Variants in CDYL observed in about 807,000 individuals in gnomAD.
CDYL encodes chromodomain Y like.
Under a neutral mutation model 47.3 loss-of-function variants are expected in CDYL, and 8 were observed. That is an observed-to-expected ratio of 0.17 (90% confidence interval 0.10 to 0.31). The LOEUF is 0.31. CDYL is among the 10% of genes least tolerant of loss of function. CDYL has a pLI of 1.00. For synonymous variants in CDYL, 266 were observed against 265.0 expected, an observed-to-expected ratio of 1.00 and a Z score of -0.04; for missense variants, 471 against 701.4, an observed-to-expected ratio of 0.67 and a Z score of 3.71.
chr6:4,720,304 G>C (rs765678828), intron 2 of CDYL, among the ~76,000 whole-genome samples: 2 of 152,170 alleles, frequency 1.3e-5, no homozygotes, highest in African/African-American at 4.8e-5. Flanking sequence ...AACTTAACCA[G>C]AATGAATGAC....
intron 1 of CDYL, among the ~76,000 whole-genome samples, chr6:4,863,176 C>T (rs542427148): frequency 3.9e-5 from 6 of 152,052 alleles, no homozygotes; most frequent in East Asian, 3.9e-4. Context: ...AAGATAGGAG[C>T]GGTAAACACT....
chr6:4,846,533 G>C (rs1452304085), intron 1 of CDYL, among the ~76,000 whole-genome samples: 1 of 152,094 alleles, frequency 6.6e-6, no homozygotes, highest in Non-Finnish European at 1.5e-5. Flanking sequence ...TCTTCCGTCA[G>C]AGTGCTGGAG....
chr6:4,944,625 G>A (rs1758458271), intron 5 of CDYL, among the ~76,000 whole-genome samples: 1 of 152,150 alleles, frequency 6.6e-6, no homozygotes, highest in South Asian at 2.1e-4. Context: ...ACCTTTTGGG[G>A]GCCAGCTCCT....
At chr6:4,825,441 G>A (rs1301392264) in intron 1 of CDYL, among the ~76,000 whole-genome samples, 1 of 152,076 alleles carries the variant, frequency 6.6e-6, no homozygotes, top group Non-Finnish European at 1.5e-5. Context: ...ATAACTTCCA[G>A]TTATACACTT....
intron 1 of CDYL, among the ~76,000 whole-genome samples, chr6:4,885,955 C>G (rs148422445): frequency 7.5e-4 from 114 of 152,318 alleles, no homozygotes; most frequent in African/African-American, 2.5e-3. Flanking sequence ...AGTCTATTTT[C>G]TGTCTCTATA....
At chr6:4,719,842 A>C (rs1010618301) in intron 2 of CDYL, among the ~76,000 whole-genome samples, 1 of 152,174 alleles carries the variant, frequency 6.6e-6, no homozygotes, top group Non-Finnish European at 1.5e-5. Context: ...CACTTTCCCC[A>C]AAATACCTTC....
chr6:4,792,900 G>A (rs1758964548), intron 1 of CDYL, among the ~76,000 whole-genome samples: 1 of 152,084 alleles, frequency 6.6e-6, no homozygotes, highest in African/African-American at 2.4e-5. Context: ...TTTAAAATGT[G>A]GATAATCCAT....
At chr6:4,936,720 A>G (rs1326725026) in intron 3 of CDYL, among the ~76,000 whole-genome samples, 1 of 152,214 alleles carries the variant, frequency 6.6e-6, no homozygotes, top group Non-Finnish European at 1.5e-5. Flanking sequence ...AACAAAACAA[A>G]AAACAGTAGA....
intron 1 of CDYL, among the ~76,000 whole-genome samples, chr6:4,851,822 T>C (rs1322949066): frequency 6.6e-6 from 1 of 152,214 alleles, no homozygotes; most frequent in Non-Finnish European, 1.5e-5. Flanking sequence ...ACAGTCAAAT[T>C]TGGGGAATGG....
intron 1 of CDYL, among the ~76,000 whole-genome samples, chr6:4,837,841 A>G (rs1450466678): frequency 1.3e-5 from 2 of 151,710 alleles, no homozygotes; most frequent in Non-Finnish European, 2.9e-5. Context: ...TGGCATGCAC[A>G]TGGCTCACTG....
chr6:4,885,489 C>A (rs982535278), intron 1 of CDYL, among the ~76,000 whole-genome samples: 2 of 152,086 alleles, frequency 1.3e-5, no homozygotes, highest in Non-Finnish European at 1.5e-5. Context: ...GGGTTTTATC[C>A]GAGGTTTCAG....
At chr6:4,779,626 G>A (rs544177725) in intron 1 of CDYL, among the ~76,000 whole-genome samples, 28 of 152,306 alleles carry the variant, frequency 1.8e-4, no homozygotes, top group African/African-American at 6.0e-4. Context: ...ATTAGTTGAA[G>A]GATGGAATAG....
chr6:4,749,138 G>T (rs1757944975), intron 3 of CDYL, among the ~76,000 whole-genome samples: 2 of 152,204 alleles, frequency 1.3e-5, no homozygotes, highest in Non-Finnish European at 2.9e-5. Flanking sequence ...AAACTGGGGG[G>T]AAAAAGTCTG....
chr6:4,768,497 T>C (rs1758289485), intron 3 of CDYL, among the ~76,000 whole-genome samples: 1 of 152,088 alleles, frequency 6.6e-6, no homozygotes, highest in South Asian at 2.1e-4. Flanking sequence ...TGGCCAAAGC[T>C]AGAGAATCTG....
intron 1 of CDYL, among the ~76,000 whole-genome samples, chr6:4,807,948 G>A (rs1759420563): frequency 6.6e-6 from 1 of 151,930 alleles, no homozygotes; most frequent in Non-Finnish European, 1.5e-5. Flanking sequence ...TTAACTCTAT[G>A]TATTATAATC....
At chr6:4,808,830 C>T (rs1178575748) in intron 1 of CDYL, among the ~76,000 whole-genome samples, 2 of 152,302 alleles carry the variant, frequency 1.3e-5, no homozygotes, top group East Asian at 1.9e-4. Flanking sequence ...TCACCTCCTT[C>T]AATGTGGTTA....
At chr6:4,788,424 A>G (rs1191132475) in intron 1 of CDYL, among the ~76,000 whole-genome samples, 1 of 135,228 alleles carries the variant, frequency 7.4e-6, no homozygotes, top group Non-Finnish European at 1.5e-5. Flanking sequence ...TGGAGTTAGC[A>G]GTGAGCCGAG....
intron 2 of CDYL, among the ~76,000 whole-genome samples, chr6:4,722,349 A>C (rs1035703279): frequency 6.6e-6 from 1 of 152,144 alleles, no homozygotes; most frequent in South Asian, 2.1e-4. Context: ...GCTTAAGGTA[A>C]AGAGTTCGAG....
intron 1 of CDYL, among the ~76,000 whole-genome samples, chr6:4,875,134 ACT>A (rs1188452749): frequency 1.3e-5 from 2 of 151,964 alleles, no homozygotes; most frequent in African/African-American, 4.8e-5. Context: ...GCCACTCTTG[ACT>A]CTGACAGGCA....
Sources: allele counts gnomAD v4.1 joint callset (sites outside exome capture counted in the v4.1 genomes callset), GRCh38; gene constraint gnomAD v4.1.1; transcripts MANE v1.5; gene names NCBI Gene and HGNC (gene_info 2026-07-23, HGNC 2026-07-21).